The following ASXL3 variants were observed in gnomAD, a reference collection of about 807,000 sequenced individuals.
ASXL3 encodes the protein putative Polycomb group protein ASXL3.
A neutral mutation model predicts 170.6 loss-of-function variants in ASXL3; 34 were observed. The ratio of observed to expected loss-of-function variants is 0.20; its 90% confidence interval spans 0.15 to 0.27. The LOEUF (loss-of-function observed/expected upper bound fraction) is 0.27. Among genes scored for constraint, ASXL3 ranks in the 10% least tolerant of loss-of-function variants. ASXL3 has a pLI of 1.00. For missense variants in ASXL3, 2,592 were observed against 2,695.3 expected, an observed-to-expected ratio of 0.96 and a Z score of 0.85; for synonymous variants, 1,002 against 989.1, an observed-to-expected ratio of 1.01 and a Z score of -0.24.
intron 2 of ASXL3, among the ~76,000 whole-genome samples, chr18:33,613,236 A>G (rs548086444): frequency 1.3e-5 from 2 of 152,120 alleles, no homozygotes; most frequent in East Asian, 3.9e-4. Context: ...TGTTAGTTTT[A>G]TCTTCCTAAA....
At chr18:33,607,126 C>T (rs1016751690) in intron 1 of ASXL3, among the ~76,000 whole-genome samples, 1 of 151,990 alleles carries the variant, frequency 6.6e-6, no homozygotes, top group Non-Finnish European at 1.5e-5. Flanking sequence ...TTCCTGTATG[C>T]TTCTTTCAAC....
At position 33,601,785 on chromosome 18, in the gene ASXL3, G is replaced by A. The variant is rs866424688; in HGVS notation, c.55-5809G>A. On this transcript the variant is annotated intron_variant, in intron 1 of 11. Coordinates refer to ENST00000269197, the MANE Select transcript of ASXL3 (RefSeq NM_030632.3). ...TGAGAATTTAAGTAAATATCTGATTGTATATATATAGTTTGTTTGTTTTGA... is the reference window on the plus strand; with the variant it reads ...TGAGAATTTAAGTAAATATCTGATTATATATATATAGTTTGTTTGTTTTGA... 2.0e-4 allele frequency among the ~76,000 whole-genome samples: 21 copies of A among 103,916 alleles called. 1 individual carries two copies. The highest frequency in any genetic ancestry group is 3.1e-4 in the Non-Finnish European group (14 of 44,796). 68.2% of individuals were successfully genotyped at this position (103,916 alleles called of 152,430 possible).
At chr18:33,622,388 C>G (rs2065529045) in intron 2 of ASXL3, among the ~76,000 whole-genome samples, 2 of 152,074 alleles carry the variant, frequency 1.3e-5, no homozygotes, top group Non-Finnish European at 2.9e-5. Flanking sequence ...TTTTATTAAA[C>G]CCTTTGCATT....
intron 8 of ASXL3, among the ~76,000 whole-genome samples, chr18:33,719,667 G>T (rs2067225734): frequency 6.6e-6 from 1 of 151,980 alleles, no homozygotes; most frequent in East Asian, 1.9e-4. Flanking sequence ...GGAGCTTTGG[G>T]AGATGATTAG....
At chr18:33,579,813 C>G in intron 1 of ASXL3, among the ~76,000 whole-genome samples, 1 of 150,684 alleles carries the variant, frequency 6.6e-6, no homozygotes. Context: ...CTGCATGCAG[C>G]GGGGGTTTTG....
At chr18:33,684,519 G>T (rs537375820) in intron 8 of ASXL3, among the ~76,000 whole-genome samples, 1 of 152,022 alleles carries the variant, frequency 6.6e-6, no homozygotes, top group Admixed American at 6.5e-5. Context: ...CAATTTATAT[G>T]TATCTCTTTG....
chr18:33,652,167 T>G (rs1208354947), intron 4 of ASXL3, among the ~76,000 whole-genome samples: 1 of 151,980 alleles, frequency 6.6e-6, no homozygotes, highest in Non-Finnish European at 1.5e-5. Context: ...TATTATAAAT[T>G]TTATGGTCTA....
At position 33,743,024 on chromosome 18, in the gene ASXL3, C is replaced by A; in HGVS notation, c.3176C>A (p.Ala1059Asp). Residue 1059 changes from alanine to aspartate, a missense_variant, in exon 12 of 12, where the codon GCC becomes GAC. By Grantham distance (126) the Ala-to-Asp change is moderately radical. This residue lies in a region of ASXL3 where 2,246 missense variants were observed against 2,219.6 expected (regional missense o/e 1.01). Transcript: ENST00000269197. The stretch of plus-strand genomic sequence containing the variant: ...GCCAGGACCCTCGCAGATATCAAGG[C>A]CCGGGCCCAACAAGCTCGGGCCCAG... Reference protein sequence around the residue: ...TGARTLADIKARAQQARAQRE... With the variant: ...TGARTLADIKDRAQQARAQRE... The A allele has an allele frequency of 6.2e-7, 1 of 1,613,838 alleles. No homozygotes were observed. The highest frequency in any genetic ancestry group is 8.5e-7 in the Non-Finnish European group (1 of 1,179,840).
At chr18:33,712,731 G>A (rs1207132954) in intron 8 of ASXL3, among the ~76,000 whole-genome samples, 1 of 152,176 alleles carries the variant, frequency 6.6e-6, no homozygotes, top group Non-Finnish European at 1.5e-5. Context: ...TTGTGTGTAT[G>A]TGTGCATTTG....
At chr18:33,658,207 C>T (rs1321373358) in intron 4 of ASXL3, among the ~76,000 whole-genome samples, 3 of 152,106 alleles carry the variant, frequency 2.0e-5, no homozygotes, top group African/African-American at 7.2e-5. Flanking sequence ...TTTCCTTTGG[C>T]TTGTATTTCA....
chr18:33,736,629 T>G (rs566906592), intron 10 of ASXL3, among the ~76,000 whole-genome samples: 79 of 152,274 alleles, frequency 5.2e-4, no homozygotes, highest in African/African-American at 1.8e-3. Flanking sequence ...GTTTTCAATT[T>G]TTTTAGATAT....
At chr18:33,625,164 G>GT (rs1422081959) in intron 2 of ASXL3, among the ~76,000 whole-genome samples, 3 of 151,900 alleles carry the variant, frequency 2.0e-5, no homozygotes, top group African/African-American at 4.8e-5. Flanking sequence ...CATTATCGTT[G>GT]TTTTTTTAAT....
At chr18:33,595,946 G>A (rs2065122422) in intron 1 of ASXL3, among the ~76,000 whole-genome samples, 1 of 152,120 alleles carries the variant, frequency 6.6e-6, no homozygotes, top group South Asian at 2.1e-4. Context: ...AAATCAAAAT[G>A]AGAAAGGGCA....
rs747777447 is a variant in ASXL3, at chr18:33,670,812, T to G, written c.595+22T>G. 4 of 1,455,784 alleles carry G rather than the reference T, an allele frequency of 2.7e-6. No homozygotes were observed. The South Asian group carries it at 5.4e-5, about 20-fold the overall frequency. The allele number at this position is 1,455,784 out of a possible 1,614,324, so 90.2% of individuals were successfully genotyped here. A position where few individuals can be genotyped will look rare whatever the true frequency, so the allele number is the denominator to read the frequency against. ...TCAGGTAAAGAGCTGAAATATCATA[T>G]GCTTGGCCAGTTTCTTCCTGGAGGA... is the stretch of plus-strand genomic sequence containing the variant. On this transcript the variant is annotated intron_variant, in intron 6 of 11. Transcript: ENST00000269197.
Position 33,743,578 on chromosome 18 carries a change from G to GCTA in ASXL3, c.3731_3733dup (p.Ala1244_Ile1245insThr). The GCTA allele has an allele frequency of 6.2e-7, 1 of 1,613,118 alleles. No homozygotes were observed. Among genetic ancestry groups the GCTA allele is most frequent in the African/African-American group, 1.3e-5 (1 of 75,050 alleles). On this transcript the variant is annotated inframe_insertion, in exon 12 of 12. Coordinates refer to ENST00000269197, the MANE Select transcript of ASXL3 (RefSeq NM_030632.3). ...TGTCCCTGTATCTGTTTGCAGCACT[G>GCTA]CTATATCGGGAGCAATTAAAGAACA...
rs570755965 is a variant in ASXL3 at position 33,660,398 on chromosome 18, G to A, written c.356-1218G>A. Among the ~76,000 whole-genome samples, 457 of 152,186 alleles carry A rather than the reference G, an allele frequency of 3.0e-3. 3 individuals are homozygous for A. Among genetic ancestry groups the A allele is most frequent in the African/African-American group, 0.011 (442 of 41,538 alleles). ...CCGCATAGTTATTTCTAGGCAAGGTGTGCTTGAGTCTATCAGAAGCCACTT... is the reference window on the plus strand; with the variant it reads ...CCGCATAGTTATTTCTAGGCAAGGTATGCTTGAGTCTATCAGAAGCCACTT... On this transcript the variant is annotated intron_variant, in intron 4 of 11. Coordinates refer to ENST00000269197, the MANE Select transcript of ASXL3 (RefSeq NM_030632.3).
intron 8 of ASXL3, among the ~76,000 whole-genome samples, chr18:33,710,709 A>T (rs527590567): frequency 1.3e-5 from 2 of 151,946 alleles, no homozygotes; most frequent in Non-Finnish European, 2.9e-5. Context: ...ATGTAGATCT[A>T]TTGGTGAAGG....
At chr18:33,626,059 C>T (rs1020960942) in intron 2 of ASXL3, among the ~76,000 whole-genome samples, 7 of 151,402 alleles carry the variant, frequency 4.6e-5, no homozygotes, top group South Asian at 2.1e-4. Context: ...AAGGGGCAAG[C>T]GGAAAGGAAA....
chr18:33,623,439 A>G (rs2065548840), intron 2 of ASXL3, among the ~76,000 whole-genome samples: 2 of 152,188 alleles, frequency 1.3e-5, no homozygotes. Flanking sequence ...TGGATAAGTC[A>G]CTTAGACTAT....
Sources: gnomAD v4.1 joint callset for allele counts (sites outside exome capture counted in the v4.1 genomes callset) on GRCh38, gnomAD v4.1.1 for gene constraint, gnomAD v4.1.1 regional missense constraint, MANE v1.5 for transcripts, NCBI Gene and HGNC (gene_info 2026-07-23, HGNC 2026-07-21) for gene names.